STPG2: variants seen among roughly 807,000 people sequenced by gnomAD.
The protein encoded by STPG2 is sperm tail PG-rich repeat containing 2.
STPG2 carries 56 observed loss-of-function variants against 54.2 expected under a neutral mutation model. The ratio of observed to expected loss-of-function variants is 1.03; its 90% CI spans 0.83 to 1.29. The LOEUF (loss-of-function observed/expected upper bound fraction) is 1.29. STPG2 is among the 50% of genes most tolerant of loss of function. The pLI is 0.00. For synonymous variants in STPG2, 200 were observed against 181.8 expected (o/e 1.10, Z -0.81); for missense variants, 596 against 544.9 (o/e 1.09, Z -0.93).
At chr4:97,662,576 T>G (rs1166960564) in intron 10 of STPG2, among the ~76,000 whole-genome samples, 2 of 152,212 alleles carry the variant, frequency 1.3e-5, no homozygotes, top group Admixed American at 1.3e-4. Flanking sequence ...TTCACTGCGA[T>G]GCTATTCACA....
At chr4:97,797,627 A>G (rs1165410960) in intron 9 of STPG2, among the ~76,000 whole-genome samples, 2 of 152,214 alleles carry the variant, frequency 1.3e-5, no homozygotes, top group African/African-American at 4.8e-5. Flanking sequence ...GATGTTCATC[A>G]GGGATATTGG....
chr4:98,017,246 T>G (rs1038495886), intron 5 of STPG2, among the ~76,000 whole-genome samples: 26 of 152,248 alleles, frequency 1.7e-4, no homozygotes, highest in Non-Finnish European at 3.7e-4. Flanking sequence ...TACTAGAGTC[T>G]GTAGCCATCA....
At position 97,981,260 on chromosome 4, in the gene STPG2, G is replaced by C; in HGVS notation, c.671C>G (p.Thr224Ser). The change falls in exon 6 of 11, where the codon ACT becomes AGT. Residue 224 changes from threonine to serine, a missense_variant. Thr to Ser is a moderately conservative substitution (Grantham distance 58). Transcript: ENST00000295268. ...PAPGTYNEPR[T>S]ALKSLKKTSG... ...TGTTTTCTTCAAAGACTTGAGAGCA[G>C]TTCGAGGTTCATTATATGTGCCAGG... is the stretch of plus-strand genomic sequence containing the variant. The C allele has an allele frequency of 1.2e-6, 2 of 1,614,026 alleles. No individual in the cohort carries two copies. The highest frequency in any genetic ancestry group is 1.7e-6 in the Non-Finnish European group (2 of 1,179,956).
At chr4:98,106,123 G>A (rs901946186) in intron 4 of STPG2, 59 bp from the exon 5 acceptor site, 12 of 1,146,570 alleles carry the variant, frequency 1.0e-5, no homozygotes, top group Admixed American at 3.4e-5. Context: ...AAATATTTAT[G>A]TAAGCAAAGA....
chr4:97,776,574 G>A (rs2149066825), intron 9 of STPG2, among the ~76,000 whole-genome samples: 1 of 152,284 alleles, frequency 6.6e-6, no homozygotes, highest in East Asian at 1.9e-4. Flanking sequence ...AGGGAGAACA[G>A]TAAAGAGAAC....
chr4:97,635,951 G>A (rs1477275160), intron 10 of STPG2, among the ~76,000 whole-genome samples: 1 of 144,766 alleles, frequency 6.9e-6, no homozygotes, highest in Admixed American at 6.9e-5. Flanking sequence ...AAGTCAACAA[G>A]GACACCCAGG....
intron 4 of STPG2, among the ~76,000 whole-genome samples, chr4:97,552,567 T>A (rs1731988375): frequency 6.6e-6 from 1 of 152,166 alleles, no homozygotes. Context: ...CTTCTGCTGC[T>A]AAATTCTTTT....
intron 5 of STPG2, among the ~76,000 whole-genome samples, chr4:98,093,553 T>C (rs1738754098): frequency 6.6e-6 from 1 of 152,116 alleles, no homozygotes; most frequent in Non-Finnish European, 1.5e-5. Context: ...TTAACAACTA[T>C]CTACATGAAG....
At chr4:97,552,301 T>C (rs1392014242) in intron 4 of STPG2, among the ~76,000 whole-genome samples, 3 of 152,072 alleles carry the variant, frequency 2.0e-5, no homozygotes, top group African/African-American at 7.2e-5. Flanking sequence ...TGAGTAAATA[T>C]ATGAAAAACA....
At chr4:98,136,262 A>T (rs148101375) in intron 1 of STPG2, among the ~76,000 whole-genome samples, 239 of 151,718 alleles carry the variant, frequency 1.6e-3, no homozygotes, top group African/African-American at 5.6e-3. Context: ...CCTTTAAAAA[A>T]TAAGGTGCTC....
At chr4:97,610,625 G>A (rs1733706970) in intron 10 of STPG2, among the ~76,000 whole-genome samples, 1 of 151,958 alleles carries the variant, frequency 6.6e-6, no homozygotes. Context: ...AGCTGATCAG[G>A]AAGTGAAAGC....
intron 5 of STPG2, among the ~76,000 whole-genome samples, chr4:97,994,814 G>C (rs1378976337): frequency 6.6e-6 from 1 of 152,102 alleles, no homozygotes; most frequent in African/African-American, 2.4e-5. Flanking sequence ...GAGCACATCA[G>C]CTGCAGTTGC....
At chr4:98,139,485 C>T (rs1740221314) in intron 1 of STPG2, among the ~76,000 whole-genome samples, 1 of 152,124 alleles carries the variant, frequency 6.6e-6, no homozygotes, top group South Asian at 2.1e-4. Context: ...ATGAACCTGA[C>T]CCTTAGCTGA....
chr4:97,773,824 A>G (rs1274136124), intron 9 of STPG2, among the ~76,000 whole-genome samples: 2 of 152,228 alleles, frequency 1.3e-5, no homozygotes, highest in African/African-American at 4.8e-5. Flanking sequence ...CTCACAACCC[A>G]TTGAGGAAAG....
At chr4:97,942,313 T>C (rs1422330500) in intron 8 of STPG2, among the ~76,000 whole-genome samples, 2 of 151,996 alleles carry the variant, frequency 1.3e-5, no homozygotes, top group African/African-American at 4.8e-5. Flanking sequence ...TAGTAATAAA[T>C]TAGTCATGGC....
intron 7 of STPG2, among the ~76,000 whole-genome samples, chr4:97,971,271 A>G (rs974221931): frequency 6.6e-6 from 1 of 152,204 alleles, no homozygotes; most frequent in African/African-American, 2.4e-5. Context: ...AGAACTAGAA[A>G]TACCATTTGA....
intron 8 of STPG2, among the ~76,000 whole-genome samples, chr4:97,854,951 G>T (rs1019644122): frequency 6.6e-6 from 1 of 152,110 alleles, no homozygotes; most frequent in Non-Finnish European, 1.5e-5. Flanking sequence ...TCCACCATGT[G>T]TCCACGTGTT....
chr4:97,798,152 T>G (rs181350426), intron 9 of STPG2, among the ~76,000 whole-genome samples: 1 of 152,320 alleles, frequency 6.6e-6, no homozygotes, highest in Non-Finnish European at 1.5e-5. Flanking sequence ...TTCATCGATT[T>G]TTTGAAGGGA....
intron 9 of STPG2, among the ~76,000 whole-genome samples, chr4:97,758,520 G>C (rs1451453533): frequency 6.6e-6 from 1 of 152,054 alleles, no homozygotes; most frequent in South Asian, 2.1e-4. Context: ...ATTAACACAG[G>C]AACAGAAAAC....
Sources: gnomAD v4.1 joint callset for allele counts (sites outside exome capture counted in the v4.1 genomes callset) on GRCh38, gnomAD v4.1.1 for gene constraint, MANE v1.5 for transcripts, NCBI Gene and HGNC (gene_info 2026-07-23, HGNC 2026-07-21) for gene names.